Variants in SEC22C observed in about 807,000 individuals in gnomAD.
SEC22C encodes the protein SEC22 homolog C, vesicle trafficking protein, also known as vesicle-trafficking protein SEC22c.
Under a neutral mutation model 34.7 loss-of-function variants are expected in SEC22C, and 29 were observed. The observed-to-expected ratio is 0.84, with a 90% CI of 0.62 to 1.14. The LOEUF (loss-of-function observed/expected upper bound fraction) is 1.14. SEC22C is among the 50% of genes most tolerant of loss of function. The pLI is 0.00. For synonymous variants in SEC22C, 117 were observed against 132.8 expected, an observed-to-expected ratio of 0.88 and a Z score of 0.82; for missense variants, 337 against 369.0, an observed-to-expected ratio of 0.91 and a Z score of 0.71.
At chr3:42,572,314 A>C (rs1703692162) in intron 1 of SEC22C, among the ~76,000 whole-genome samples, 1 of 152,114 alleles carries the variant, frequency 6.6e-6, no homozygotes, top group Non-Finnish European at 1.5e-5. Context: ...CAGGTAAAAA[A>C]CTGCTCTACT....
chr3:42,561,362 C>T lies in SEC22C; in HGVS notation c.347-66G>A, dbSNP rs541938720. 1.1e-5 allele frequency: 17 copies of T among 1,504,150 alleles called. No homozygotes were observed. In the African/African-American group the frequency reaches 1.4e-4, roughly 12 times the overall value. The allele number at this position is 1,504,150 out of a possible 1,614,324, so 93.2% of individuals were successfully genotyped here. A position where few individuals can be genotyped will look rare whatever the true frequency, so the allele number is the denominator to read the frequency against. ...AATGGATATTATAAGACAATACGTACAAAATGAAGTTCACATTTCTTTTTT... is the reference window on the plus strand; with the variant it reads ...AATGGATATTATAAGACAATACGTATAAAATGAAGTTCACATTTCTTTTTT... On this transcript the variant is annotated intron_variant, in intron 3 of 6. Transcript: ENST00000264454.
At chr3:42,570,938 C>T (rs543785783) in intron 1 of SEC22C, among the ~76,000 whole-genome samples, 3 of 152,128 alleles carry the variant, frequency 2.0e-5, no homozygotes, top group African/African-American at 7.2e-5. Context: ...GACATTGAGG[C>T]CAAAAAGAGA....
chr3:42,555,940 C>T lies in SEC22C; in HGVS notation c.701G>A (p.Cys234Tyr). Residue 234 changes from cysteine to tyrosine, a missense_variant, in exon 6 of 7, where the codon TGC (cysteine) becomes TAC (tyrosine). Transcript: ENST00000264454. ...ILAFLVPFVA[C>Y]IFQCYLYLFY... is the part of the protein sequence containing the mutation. Reference sequence around the variant, plus strand: ...TATCGTTTCACCCACCTGGAAAATGCAGGCTACGAAAGGAACAAGAAAAGC... The same window carrying T: ...TATCGTTTCACCCACCTGGAAAATGTAGGCTACGAAAGGAACAAGAAAAGC... The T allele has an allele frequency of 6.2e-7, 1 of 1,613,216 alleles. No homozygotes were observed. The highest frequency in any genetic ancestry group is 8.5e-7 in the Non-Finnish European group (1 of 1,179,330).
chr3:42,597,832 G>A (rs1338882086), intron 1 of SEC22C, among the ~76,000 whole-genome samples: 1 of 152,194 alleles, frequency 6.6e-6, no homozygotes, highest in East Asian at 1.9e-4. Flanking sequence ...CAATCTAAGT[G>A]AGCCCAATTT....
At position 42,551,279 on chromosome 3, in the gene SEC22C, G is replaced by C; in HGVS notation, c.*1969C>G. The C allele has an allele frequency of 2.0e-6, 2 of 985,434 alleles. No homozygotes were observed. Among genetic ancestry groups the C allele is most frequent in the Non-Finnish European group, 1.2e-6 (1 of 829,938 alleles). 61.0% of individuals were successfully genotyped at this position (985,434 alleles called of 1,614,324 possible). A position where few individuals can be genotyped will look rare whatever the true frequency, so the allele number is the denominator to read the frequency against. On this transcript the variant is annotated 3_prime_UTR_variant, in exon 7 of 7. Transcript: ENST00000264454. ...TGCTGGGTATGCAGAAAATTATGCAGATGTGAAATCAGTGTAGAGACAACT... is the reference window on the plus strand; with the variant it reads ...TGCTGGGTATGCAGAAAATTATGCACATGTGAAATCAGTGTAGAGACAACT...
intron 1 of SEC22C, chr3:42,581,391 G>A (rs188004613): frequency 6.6e-6 from 1 of 152,344 alleles, no homozygotes; most frequent in Non-Finnish European, 1.5e-5. Context: ...AACCTGTAAT[G>A]GAACGTCCTA....
intron 1 of SEC22C, among the ~76,000 whole-genome samples, chr3:42,581,011 G>A (rs1295218323): frequency 6.6e-6 from 1 of 152,196 alleles, no homozygotes; most frequent in Admixed American, 6.5e-5. Context: ...CTCCAAGATG[G>A]CTTCTGTTGC....
At chr3:42,573,866 A>G (rs1464385830) in intron 1 of SEC22C, among the ~76,000 whole-genome samples, 1 of 152,214 alleles carries the variant, frequency 6.6e-6, no homozygotes, top group East Asian at 1.9e-4. Flanking sequence ...GACTCTAAAA[A>G]ATGACCAACT....
At chr3:42,597,395 A>G (rs760655135) in intron 1 of SEC22C, among the ~76,000 whole-genome samples, 1 of 152,132 alleles carries the variant, frequency 6.6e-6, no homozygotes, top group Non-Finnish European at 1.5e-5. Flanking sequence ...CTCTACTAAA[A>G]ATACAAAAAA....
intron 5 of SEC22C, among the ~76,000 whole-genome samples, chr3:42,556,636 T>A (rs890795499): frequency 9.2e-5 from 14 of 152,246 alleles, no homozygotes; most frequent in Non-Finnish European, 2.1e-4. Flanking sequence ...ACCCACTATA[T>A]GCATGGGTGT....
intron 1 of SEC22C, among the ~76,000 whole-genome samples, chr3:42,572,526 T>A (rs1052952636): frequency 5.9e-5 from 9 of 152,116 alleles, no homozygotes; most frequent in African/African-American, 2.2e-4. Context: ...TGTCACTGGG[T>A]AGACAGAATT....
intron 2 of SEC22C, among the ~76,000 whole-genome samples, chr3:42,565,325 T>G (rs1419282918): frequency 6.6e-6 from 1 of 152,190 alleles, no homozygotes; most frequent in Admixed American, 6.5e-5. Context: ...TTTTTGAAAC[T>G]GTAACTCCCT....
At chr3:42,576,893 A>T (rs945224787) in intron 1 of SEC22C, among the ~76,000 whole-genome samples, 1 of 152,210 alleles carries the variant, frequency 6.6e-6, no homozygotes, top group African/African-American at 2.4e-5. Context: ...ATATAGCTAT[A>T]GTAATCAAGA....
upstream of SEC22C, among the ~76,000 whole-genome samples, chr3:42,586,288 C>A (rs1704605743): frequency 6.6e-6 from 1 of 152,156 alleles, no homozygotes; most frequent in African/African-American, 2.4e-5. Flanking sequence ...TGCAATGGCA[C>A]TGAGGCTTAC....
At position 42,550,505 on chromosome 3, in the gene SEC22C, C is replaced by T. The variant is rs1702196002; in HGVS notation, c.*2743G>A. 1 of 985,324 alleles carries T rather than the reference C, an allele frequency of 1.0e-6. No homozygotes were observed. The highest frequency in any genetic ancestry group is 6.1e-5 in the Admixed American group (1 of 16,272). 61.0% of individuals were successfully genotyped at this position (985,324 alleles called of 1,614,324 possible). On this transcript the variant is annotated 3_prime_UTR_variant, in exon 7 of 7. Coordinates refer to ENST00000264454, the MANE Select transcript of SEC22C (RefSeq NM_032970.4). ...ACTTCTTTCCTATTTTCAGTCTCTT[C>T]CTTCAGTGAGCTGAGGATTCTTTTA...
intron 4 of SEC22C, among the ~76,000 whole-genome samples, chr3:42,559,555 G>T (rs1350852984): frequency 6.6e-6 from 1 of 152,130 alleles, no homozygotes; most frequent in Non-Finnish European, 1.5e-5. Flanking sequence ...TCCAAGTATT[G>T]GTTGAAACAC....
chr3:42,576,462 G>A (rs1703969898), intron 1 of SEC22C, among the ~76,000 whole-genome samples: 2 of 151,808 alleles, frequency 1.3e-5, no homozygotes, highest in Admixed American at 1.3e-4. Flanking sequence ...TTCTATATAC[G>A]AACAATGAAC....
chr3:42,570,167 T>A (rs759607244), intron 1 of SEC22C, among the ~76,000 whole-genome samples: 8 of 152,200 alleles, frequency 5.3e-5, no homozygotes, highest in Non-Finnish European at 1.0e-4. Flanking sequence ...CAGTTCTTCA[T>A]CTCAGAACCC....
chr3:42,586,719 G>A (rs1368172256), upstream of SEC22C, among the ~76,000 whole-genome samples: 1 of 151,962 alleles, frequency 6.6e-6, no homozygotes, highest in East Asian at 1.9e-4. Context: ...TTCTCCTTAG[G>A]CAGTCTTATC....
Sources: allele counts gnomAD v4.1 joint callset (sites outside exome capture counted in the v4.1 genomes callset), GRCh38; gene constraint gnomAD v4.1.1; transcripts MANE v1.5; gene names NCBI Gene and HGNC (gene_info 2026-07-23, HGNC 2026-07-21).